SYN3: variants seen among roughly 807,000 people sequenced by gnomAD.
SYN3 encodes synapsin-3.
SYN3 carries 35 observed loss-of-function variants against 65.8 expected under a neutral mutation model. The observed-to-expected ratio is 0.53, with a 90% CI of 0.41 to 0.70. The LOEUF is 0.70. Ranked by LOEUF, SYN3 falls within the 30% of genes least tolerant of loss-of-function variation. The pLI is 0.00. For synonymous variants in SYN3, 270 were observed against 292.9 expected (o/e 0.92, Z 0.80); for missense variants, 680 against 749.0 (o/e 0.91, Z 1.08).
chr22:32,759,333 G>A (rs545306590), intron 6 of SYN3, among the ~76,000 whole-genome samples: 30 of 152,230 alleles, frequency 2.0e-4, no homozygotes, highest in African/African-American at 6.5e-4. Flanking sequence ...GTCACACCAT[G>A]GGGCTCTTGA....
At chr22:32,753,922 CA>C in intron 6 of SYN3, among the ~76,000 whole-genome samples, 1 of 152,374 alleles carries the variant, frequency 6.6e-6, no homozygotes, top group Non-Finnish European at 1.5e-5. Context: ...CCCCATTTTC[CA>C]TATGAGAAAT....
chr22:32,949,956 C>T (rs939987396), intron 3 of SYN3, among the ~76,000 whole-genome samples: 1 of 152,132 alleles, frequency 6.6e-6, no homozygotes. Flanking sequence ...TGTGACACAA[C>T]GAGATGTTGT....
intron 6 of SYN3, among the ~76,000 whole-genome samples, chr22:32,771,224 C>A (rs550188944): frequency 3.9e-5 from 6 of 152,192 alleles, no homozygotes; most frequent in Non-Finnish European, 1.5e-5. Context: ...CATGTCCCTG[C>A]AAAGGACATG....
chr22:32,761,551 C>A (rs2045480194), intron 6 of SYN3, among the ~76,000 whole-genome samples: 4 of 152,192 alleles, frequency 2.6e-5, no homozygotes, highest in Admixed American at 2.6e-4. Context: ...CTCCTGAGGG[C>A]TGGCAGCCCA....
chr22:32,827,622 A>G (rs971780258), intron 6 of SYN3, among the ~76,000 whole-genome samples: 12 of 152,092 alleles, frequency 7.9e-5, no homozygotes, highest in African/African-American at 2.9e-4. Context: ...CTCCCCTACA[A>G]TCCTTTCTCC....
chr22:32,687,369 C>T (rs937295763), intron 6 of SYN3, among the ~76,000 whole-genome samples: 2 of 151,432 alleles, frequency 1.3e-5, no homozygotes, highest in African/African-American at 4.8e-5. Context: ...TCACCATGTT[C>T]GCCAGGCTAG....
At chr22:32,541,118 C>T (rs950543340) in intron 8 of SYN3, among the ~76,000 whole-genome samples, 1 of 152,150 alleles carries the variant, frequency 6.6e-6, no homozygotes, top group African/African-American at 2.4e-5. Flanking sequence ...TCTGGTGTAA[C>T]CTCCTAACTG....
chr22:32,515,878 A>C (rs897778204), intron 13 of SYN3, among the ~76,000 whole-genome samples: 4 of 151,892 alleles, frequency 2.6e-5, no homozygotes. Context: ...AGCTCACTGC[A>C]AGCTCCGCCT....
chr22:33,053,685 A>T (rs752859941), intron 1 of SYN3, among the ~76,000 whole-genome samples: 9 of 152,146 alleles, frequency 5.9e-5, no homozygotes, highest in Non-Finnish European at 1.2e-4. Flanking sequence ...TTCTGTTACA[A>T]ATTCAGCTTA....
chr22:32,590,746 A>G (rs2059116597), intron 7 of SYN3, among the ~76,000 whole-genome samples: 1 of 152,212 alleles, frequency 6.6e-6, no homozygotes. Context: ...TTGTGGTTTC[A>G]ATTTGCATTT....
intron 6 of SYN3, among the ~76,000 whole-genome samples, chr22:32,675,296 C>A (rs1384159740): frequency 1.3e-5 from 2 of 152,180 alleles, no homozygotes; most frequent in African/African-American, 2.4e-5. Context: ...CCAGACCTGA[C>A]AAAATACCCT....
chr22:33,012,074 A>G (rs893318601), intron 1 of SYN3, among the ~76,000 whole-genome samples: 2 of 151,974 alleles, frequency 1.3e-5, no homozygotes, highest in East Asian at 3.9e-4. Context: ...TCTTCTCCTT[A>G]CTTTTGGTTT....
intron 6 of SYN3, among the ~76,000 whole-genome samples, chr22:32,789,061 C>T (rs7289098): frequency 0.11 from 17,333 of 152,268 alleles, 973 homozygotes; most frequent in Middle Eastern, 0.17. Context: ...CAGCTGGCTC[C>T]GGCTCCAGGC....
intron 7 of SYN3, among the ~76,000 whole-genome samples, chr22:32,555,347 G>A (rs2058479033): frequency 6.6e-6 from 1 of 152,208 alleles, no homozygotes; most frequent in African/African-American, 2.4e-5. Flanking sequence ...CCCAGAAAGT[G>A]ATTTGGAATC....
chr22:32,723,895 C>T (rs1180530609), intron 6 of SYN3, among the ~76,000 whole-genome samples: 2 of 152,214 alleles, frequency 1.3e-5, no homozygotes, highest in African/African-American at 4.8e-5. Context: ...AGGAACCTAG[C>T]CCTGGTGCTG....
At chr22:32,910,710 T>C (rs1055078107) in intron 4 of SYN3, among the ~76,000 whole-genome samples, 5 of 152,180 alleles carry the variant, frequency 3.3e-5, no homozygotes, top group Non-Finnish European at 5.9e-5. Flanking sequence ...ACCAACTGAA[T>C]AGCTAACCTC....
chr22:32,572,531 CTTCT>C (rs998390957), intron 7 of SYN3, among the ~76,000 whole-genome samples: 19 of 84,410 alleles, frequency 2.3e-4, no homozygotes, highest in Admixed American at 5.7e-4. Context: ...TCCTCCCTTC[CTTCT>C]TTCTTTTTTC....
chr22:32,610,240 C>T lies in SYN3; in HGVS notation c.712-13504G>A, dbSNP rs147355599. Among the ~76,000 whole-genome samples the T allele has an allele frequency of 1.8e-3, 275 of 152,110 alleles. 1 individual carries two copies. The highest frequency in any genetic ancestry group is 2.2e-3 in the African/African-American group (92 of 41,498). On this transcript the variant is annotated intron_variant, in intron 6 of 13. Transcript: ENST00000358763. ...AGGTTGCAGTGAGCCAAGATTGCACCGCTGCACTCCAGCCTGGGCAACAGA... is the reference window on the plus strand; with the variant it reads ...AGGTTGCAGTGAGCCAAGATTGCACTGCTGCACTCCAGCCTGGGCAACAGA...
intron 7 of SYN3, among the ~76,000 whole-genome samples, chr22:32,572,162 A>T (rs533058422): frequency 2.6e-5 from 4 of 151,620 alleles, no homozygotes; most frequent in African/African-American, 9.7e-5. Context: ...ACGTGATCTG[A>T]GGTGTATAAA....
Sources: gnomAD v4.1 joint callset for allele counts (sites outside exome capture counted in the v4.1 genomes callset) on GRCh38, gnomAD v4.1.1 for gene constraint, MANE v1.5 for transcripts, NCBI Gene and HGNC (gene_info 2026-07-23, HGNC 2026-07-21) for gene names.